The following DPP6 variants were observed in gnomAD, a reference collection of about 807,000 sequenced individuals.
DPP6 encodes dipeptidyl peptidase like 6, also known as A-type potassium channel modulatory protein DPP6.
A neutral mutation model predicts 122.6 loss-of-function variants in DPP6; 69 were observed. That is an observed-to-expected ratio of 0.56 (90% confidence interval 0.46 to 0.69). The LOEUF (loss-of-function observed/expected upper bound fraction) is 0.69. DPP6 is among the 30% of genes least tolerant of loss of function. DPP6 has a pLI of 0.00. For missense variants in DPP6, 928 were observed against 1,116.9 expected, an observed-to-expected ratio of 0.83 and a Z score of 2.41; for synonymous variants, 418 against 433.1, an observed-to-expected ratio of 0.97 and a Z score of 0.43.
At chr7:154,797,951 G>T (rs563184684) in intron 12 of DPP6, among the ~76,000 whole-genome samples, 1 of 152,214 alleles carries the variant, frequency 6.6e-6, no homozygotes, top group Non-Finnish European at 1.5e-5. Flanking sequence ...TGAAGTATTC[G>T]GGTGTTGGTG....
chr7:154,397,849 G>C (rs1050043451), intron 1 of DPP6, among the ~76,000 whole-genome samples: 1 of 152,104 alleles, frequency 6.6e-6, no homozygotes, highest in Non-Finnish European at 1.5e-5. Context: ...AGCAGCAAAG[G>C]TGTCTTCTCT....
chr7:154,414,808 C>T (rs966195683), intron 1 of DPP6, among the ~76,000 whole-genome samples: 3 of 152,116 alleles, frequency 2.0e-5, no homozygotes, highest in South Asian at 2.1e-4. Context: ...CACAGGTTGC[C>T]GAAGGGTGCT....
At chr7:154,889,399 TG>T in intron 24 of DPP6, 55 bp downstream of exon 24, 2 of 1,606,538 alleles carry the variant, frequency 1.2e-6, no homozygotes, top group Non-Finnish European at 8.5e-7. Context: ...TCCTCCTTGA[TG>T]GCACCATGGG....
chr7:154,780,840 A>G (rs1796975653), intron 10 of DPP6, among the ~76,000 whole-genome samples: 1 of 152,208 alleles, frequency 6.6e-6, no homozygotes, highest in African/African-American at 2.4e-5. Context: ...TAGGTGGGTG[A>G]TGAATAGATG....
chr7:154,144,021 C>T (rs957592374), intron 1 of DPP6, among the ~76,000 whole-genome samples: 10 of 151,314 alleles, frequency 6.6e-5, no homozygotes, highest in African/African-American at 2.4e-4. Context: ...TTCTCACCAG[C>T]AGTATATGAG....
intron 2 of DPP6, among the ~76,000 whole-genome samples, chr7:154,448,432 C>A (rs377304706): frequency 6.6e-6 from 1 of 152,066 alleles, no homozygotes; most frequent in Non-Finnish European, 1.5e-5. Flanking sequence ...GAAATTAAGA[C>A]CTAAGTAAAT....
At chr7:154,433,128 G>C (rs1233134870) in intron 1 of DPP6, among the ~76,000 whole-genome samples, 1 of 137,174 alleles carries the variant, frequency 7.3e-6, no homozygotes, top group South Asian at 2.3e-4. Context: ...TCTCATACTA[G>C]ACTGCAAGTT....
intron 1 of DPP6, among the ~76,000 whole-genome samples, chr7:153,907,753 C>G (rs1035376506): frequency 6.6e-6 from 1 of 152,144 alleles, no homozygotes; most frequent in African/African-American, 2.4e-5. Context: ...CTCTGGGTTT[C>G]CAGCCTGCTG....
rs374920839 is a variant in DPP6 at position 154,739,824 on chromosome 7, A to G, written c.883+11937A>G. 3.3e-5 allele frequency among the ~76,000 whole-genome samples: 5 copies of G among 152,328 alleles called. No individual in the cohort carries two copies. In the South Asian group the frequency reaches 1.0e-3, roughly 32 times the overall value. On this transcript the variant is annotated intron_variant, in intron 8 of 25. Coordinates refer to ENST00000377770, the MANE Select transcript of DPP6 (RefSeq NM_130797.4). ...ATGCACAGCCCTCAAACTGCATGGG[A>G]GAAACCCCAGTGTCCCAGAGGACAG... is the stretch of plus-strand genomic sequence containing the variant.
chr7:154,837,143 GCATGCACACA>G (rs1156794131), intron 16 of DPP6, among the ~76,000 whole-genome samples: 1 of 151,428 alleles, frequency 6.6e-6, no homozygotes, highest in Non-Finnish European at 1.5e-5. Flanking sequence ...ATTCACACAT[GCATGCACACA>G]CATGCACACA....
At position 154,405,949 on chromosome 7, in the gene DPP6, G is replaced by A. The variant is rs193184015; in HGVS notation, c.244-40265G>A. The stretch of plus-strand genomic sequence containing the variant: ...CTATGGTGAATACTCTGATACAGAA[G>A]GAAGAATTATTTGAAATGCGATGCG... On this transcript the variant is annotated intron_variant, in intron 1 of 25. Coordinates refer to ENST00000377770, the MANE Select transcript of DPP6 (RefSeq NM_130797.4). Among the ~76,000 whole-genome samples the A allele has an allele frequency of 3.1e-3, 479 of 152,306 alleles. 1 individual carries two copies. Among genetic ancestry groups the A allele is most frequent in the Middle Eastern group, 0.01 (3 of 294 alleles).
intron 1 of DPP6, among the ~76,000 whole-genome samples, chr7:153,979,269 C>A (rs112484276): frequency 5.3e-5 from 8 of 152,098 alleles, no homozygotes; most frequent in African/African-American, 1.9e-4. Context: ...CACCCCTTGT[C>A]AGTTGGATTC....
intron 2 of DPP6, among the ~76,000 whole-genome samples, chr7:154,452,834 T>C (rs1338983786): frequency 1.3e-5 from 2 of 152,202 alleles, no homozygotes; most frequent in Admixed American, 1.3e-4. Flanking sequence ...TTATGCACAA[T>C]TGATGTTTTA....
At chr7:154,207,225 T>C (rs1189460450) in intron 1 of DPP6, among the ~76,000 whole-genome samples, 2 of 152,228 alleles carry the variant, frequency 1.3e-5, no homozygotes, top group African/African-American at 2.4e-5. Flanking sequence ...GCAACTCAAG[T>C]TAACCAATTT....
At chr7:154,000,085 G>A (rs1450388454) in intron 1 of DPP6, among the ~76,000 whole-genome samples, 1 of 152,136 alleles carries the variant, frequency 6.6e-6, no homozygotes, top group Non-Finnish European at 1.5e-5. Flanking sequence ...TACCGTATGT[G>A]TTTAGTGTCT....
intron 1 of DPP6, among the ~76,000 whole-genome samples, chr7:153,961,412 G>A (rs1218827727): frequency 2.0e-5 from 3 of 151,364 alleles, no homozygotes; most frequent in Non-Finnish European, 4.4e-5. Context: ...CAGATCGTGT[G>A]ATTCTAGGTT....
In DPP6 at chr7:154,295,367, A is replaced by G. The variant is rs567180296; in HGVS notation, c.244-150847A>G. 1.8e-3 allele frequency among the ~76,000 whole-genome samples: 276 copies of G among 152,286 alleles called. 1 individual carries two copies. The highest frequency in any genetic ancestry group is 6.4e-3 in the African/African-American group (267 of 41,562). The stretch of plus-strand genomic sequence containing the variant: ...CACCCAAGCTATCCATCAAACCACT[A>G]TCTGTGTGACCTTCGACAACTTATC... On this transcript the variant is annotated intron_variant, in intron 1 of 25. Coordinates refer to ENST00000377770, the MANE Select transcript of DPP6 (RefSeq NM_130797.4).
chr7:154,146,674 G>A (rs1417806030), intron 1 of DPP6, among the ~76,000 whole-genome samples: 4 of 152,392 alleles, frequency 2.6e-5, no homozygotes, highest in African/African-American at 9.6e-5. Context: ...TCTATATTTG[G>A]CCTGCATTAT....
chr7:154,749,137 G>C (rs1363604781), intron 8 of DPP6, among the ~76,000 whole-genome samples: 1 of 148,634 alleles, frequency 6.7e-6, no homozygotes, highest in Non-Finnish European at 1.5e-5. Context: ...AGAGAAGGAT[G>C]GCGGCTTTAC....
Sources: allele counts gnomAD v4.1 joint callset (sites outside exome capture counted in the v4.1 genomes callset), GRCh38; gene constraint gnomAD v4.1.1; transcripts MANE v1.5; gene names NCBI Gene and HGNC (gene_info 2026-07-23, HGNC 2026-07-21).